KIF1A: variants seen among roughly 807,000 people sequenced by gnomAD.
KIF1A encodes kinesin family member 1A, also known as kinesin-like protein KIF1A.
A neutral mutation model predicts 227.3 loss-of-function variants in KIF1A; 46 were observed. That is an observed-to-expected ratio of 0.20 (90% CI 0.16 to 0.26). The LOEUF (loss-of-function observed/expected upper bound fraction) is 0.26. Among genes scored for constraint, KIF1A ranks in the 10% least tolerant of loss-of-function variants. The pLI, the probability that KIF1A is intolerant of heterozygous loss-of-function variation, is 1.00. For synonymous variants in KIF1A, 1,022 were observed against 1,012.8 expected (o/e 1.01, Z -0.17); for missense variants, 1,683 against 2,485.9 (o/e 0.68, Z 6.87).
rs115704851 is a variant in KIF1A, at chr2:240,737,717, G to A, written c.3902-549C>T. On this transcript the variant is annotated intron_variant, in intron 37 of 48. Transcript: ENST00000498729. The stretch of plus-strand genomic sequence containing the variant: ...TTGCATGCACTGGGGGTGTCTGTCT[G>A]TCTCTGTGAAAGAAACCAGAGCCGT... Among the ~76,000 whole-genome samples the A allele has an allele frequency of 2.5e-3, 375 of 152,232 alleles. 4 individuals carry two copies. Among genetic ancestry groups the A allele is most frequent in the African/African-American group, 7.6e-3 (317 of 41,552 alleles).
In KIF1A at chr2:240,792,441, A is replaced by G. The variant is rs1332507977; in HGVS notation, c.107-3129T>C. Reference sequence around the variant, plus strand: ...GAGCTGGGCCCCTCCAAGGCCGGCGAGGTGCCCAGTATCAGGCAGCCTTCC... The same window carrying G: ...GAGCTGGGCCCCTCCAAGGCCGGCGGGGTGCCCAGTATCAGGCAGCCTTCC... On this transcript the variant is annotated intron_variant, in intron 2 of 48. Coordinates refer to ENST00000498729, the MANE Select transcript of KIF1A (RefSeq NM_001244008.2). This position sits in a 1 kb window ranked among gnomAD's most constrained non-coding sequence, Gnocchi z 4.5. Among the ~76,000 whole-genome samples the G allele has an allele frequency of 6.6e-6, 1 of 151,382 alleles. No individual in the cohort carries two copies. The highest frequency in any genetic ancestry group is 1.5e-5 in the Non-Finnish European group (1 of 67,832).
Position 240,722,577 on chromosome 2 carries a change from G to A in KIF1A, c.4544C>T (p.Pro1515Leu), listed in dbSNP as rs867230401. Residue 1515 changes from proline to leucine, a missense_variant, in exon 43 of 49, where the codon CCG (proline) becomes CTG (leucine). Around this residue, in one of 12 missense-constraint regions of KIF1A, gnomAD observed 384 missense variants for 410.1 expected, o/e 0.94. Transcript: ENST00000498729. ...AQRPVPEALS[P>L]AFSEDSESHG... ...GGACTCAGAGTCCTCGCTGAAGGCCGGGGACAGTGCCTCCGGGACAGGCCG... is the reference window on the plus strand; with the variant it reads ...GGACTCAGAGTCCTCGCTGAAGGCCAGGGACAGTGCCTCCGGGACAGGCCG... The A allele has an allele frequency of 2.0e-5, 31 of 1,559,924 alleles. No homozygotes were observed. The highest frequency in any genetic ancestry group is 7.1e-5 in the East Asian group (3 of 42,062).
rs1233076255 is a variant in KIF1A at position 240,793,795 on chromosome 2, T to TA, written c.106+3851dup. ...CACAGCGGAGCTACAAGGCACGCTT[T>TA]AGAGAGTGGGGCCTCTCCTCATGTT... On this transcript the variant is annotated intron_variant, in intron 2 of 48. Transcript: ENST00000498729. The surrounding 1 kb of genome is among the most constrained non-coding windows in gnomAD (Gnocchi z 4.8). Among the ~76,000 whole-genome samples, 2 of 152,212 alleles carry TA rather than the reference T, an allele frequency of 1.3e-5. No individual in the cohort carries two copies. The highest frequency in any genetic ancestry group is 2.9e-5 in the Non-Finnish European group (2 of 68,038).
intron 24 of KIF1A, 34 bp downstream of exon 24, chr2:240,761,195 C>T (rs767690121): frequency 7.5e-6 from 12 of 1,592,994 alleles, no homozygotes; most frequent in Non-Finnish European, 1.0e-5. Context: ...ACACTCTCTC[C>T]AACAGGAAAC....
intron 38 of KIF1A, among the ~76,000 whole-genome samples, chr2:240,728,640 G>C (rs946497573): frequency 1.3e-5 from 2 of 152,240 alleles, no homozygotes; most frequent in African/African-American, 4.8e-5. Flanking sequence ...TCTGCAGTGA[G>C]AGCCTTGCGT....
intron 1 of KIF1A, 37 bp from the exon 2 acceptor site, chr2:240,797,849 C>G (rs979780309): frequency 1.3e-6 from 1 of 747,912 alleles, no homozygotes; most frequent in African/African-American, 1.7e-5. Context: ...GAAACAATAT[C>G]TGAGGAGGCA....
At chr2:240,780,092 G>A (rs748953406) in intron 10 of KIF1A, among the ~76,000 whole-genome samples, 4 of 152,010 alleles carry the variant, frequency 2.6e-5, no homozygotes, top group East Asian at 1.9e-4. Context: ...GAGTTCCTCC[G>A]AGTTCCCGCA....
At chr2:240,800,257 A>C (rs2056850269) in intron 1 of KIF1A, among the ~76,000 whole-genome samples, 1 of 152,162 alleles carries the variant, frequency 6.6e-6, no homozygotes, top group South Asian at 2.1e-4. Context: ...TAAAATGTAA[A>C]AGTGGTACAA....
intron 40 of KIF1A, chr2:240,724,371 G>A (rs559659236): frequency 1.3e-5 from 5 of 386,554 alleles, no homozygotes; most frequent in South Asian, 4.7e-5. Context: ...CCTCCACGGC[G>A]TCGAGAGCCC....
rs920195014 is a variant in KIF1A at position 240,766,302 on chromosome 2, C to T, written c.1685-509G>A. Among the ~76,000 whole-genome samples, 3 of 152,334 alleles carry T rather than the reference C, an allele frequency of 2.0e-5. No individual in the cohort carries two copies. The highest frequency in any genetic ancestry group is 2.1e-4 in the South Asian group (1 of 4,822). On this transcript the variant is annotated intron_variant, in intron 19 of 48. Coordinates refer to ENST00000498729, the MANE Select transcript of KIF1A (RefSeq NM_001244008.2). The surrounding 1 kb of genome is among the most constrained non-coding windows in gnomAD (Gnocchi z 5.0). The stretch of plus-strand genomic sequence containing the variant: ...TGCCGGGAGATGCCCTTAGCCTGGG[C>T]TGTGGGCCATGTGACGGCACACTGA...
At chr2:240,812,974 G>A (rs113601092) in intron 1 of KIF1A, among the ~76,000 whole-genome samples, 109 of 46,812 alleles carry the variant, frequency 2.3e-3, no homozygotes, top group South Asian at 3.8e-3. Flanking sequence ...CCTTCACCTC[G>A]GGGATCCGCC....
chr2:240,730,628 C>T (rs1055879656), intron 38 of KIF1A, among the ~76,000 whole-genome samples: 1 of 152,156 alleles, frequency 6.6e-6, no homozygotes. Context: ...CCTCCTCGCC[C>T]GAAGGGAACA....
intron 7 of KIF1A, 29 bp downstream of exon 7, chr2:240,784,960 T>C (rs760809411): frequency 1.9e-6 from 3 of 1,576,276 alleles, no homozygotes; most frequent in East Asian, 4.5e-5. Flanking sequence ...CTGCCCTTGG[T>C]GGCACCGCCT....
At chr2:240,767,461 C>T in intron 17 of KIF1A, 116 bp from the exon 18 acceptor site, 1 of 819,524 alleles carries the variant, frequency 1.2e-6, no homozygotes. Context: ...CCTGCCCCCG[C>T]ACTTGGCTGG....
chr2:240,780,126 AT>A (rs957814042), intron 10 of KIF1A, among the ~76,000 whole-genome samples: 2 of 151,362 alleles, frequency 1.3e-5, no homozygotes, highest in Non-Finnish European at 2.9e-5. Context: ...TGTCCTCCAC[AT>A]TTCCACAGAT....
intron 25 of KIF1A, among the ~76,000 whole-genome samples, chr2:240,759,292 C>A (rs2050228340): frequency 6.6e-6 from 1 of 151,966 alleles, no homozygotes; most frequent in Non-Finnish European, 1.5e-5. Flanking sequence ...CCTGATAATT[C>A]CTAGAGACAG....
intron 10 of KIF1A, among the ~76,000 whole-genome samples, chr2:240,780,232 G>A (rs1198238566): frequency 6.6e-6 from 1 of 151,398 alleles, no homozygotes; most frequent in African/African-American, 2.4e-5. Flanking sequence ...GCCCAGCACC[G>A]CTCCCCGAGC....
At chr2:240,717,553 G>A in intron 48 of KIF1A, 147 bp from the exon 49 acceptor site, 1 of 710,558 alleles carries the variant, frequency 1.4e-6, no homozygotes, top group Admixed American at 2.2e-5. Flanking sequence ...GGAAGGGACT[G>A]AATCTCTGCT....
At chr2:240,783,599 C>T in intron 8 of KIF1A, 140 bp downstream of exon 8, 1 of 650,294 alleles carries the variant, frequency 1.5e-6, no homozygotes, top group Non-Finnish European at 2.6e-6. Flanking sequence ...CCCAAGACCC[C>T]AGCCTATGCC....
Sources: gnomAD v4.1 joint callset for allele counts (sites outside exome capture counted in the v4.1 genomes callset) on GRCh38, gnomAD v4.1.1 for gene constraint, gnomAD v4.1.1 regional missense constraint, Gnocchi (gnomAD v3.1) non-coding constraint, MANE v1.5 for transcripts, NCBI Gene and HGNC (gene_info 2026-07-23, HGNC 2026-07-21) for gene names.